The following TAS2R1 variants were observed in gnomAD, a reference collection of about 807,000 sequenced individuals.
The protein encoded by TAS2R1 is taste receptor type 2 member 1.
For missense variants in TAS2R1, 370 were observed against 353.4 expected (o/e 1.05, Z -0.38); for synonymous variants, 141 against 134.2 (o/e 1.05, Z -0.35).
intron 1 of TAS2R1, among the ~76,000 whole-genome samples, chr5:9,698,145 T>C (rs993327840): frequency 6.6e-6 from 1 of 152,190 alleles, no homozygotes; most frequent in Non-Finnish European, 1.5e-5. Flanking sequence ...CATTTTATTA[T>C]GAAAAATAAG....
chr5:9,703,360 T>C (rs1232835862), intron 1 of TAS2R1, among the ~76,000 whole-genome samples: 1 of 152,154 alleles, frequency 6.6e-6, no homozygotes, highest in African/African-American at 2.4e-5. Flanking sequence ...ACTAAGTCTA[T>C]AATACTGATG....
chr5:9,875,236 C>T, the TAS2R1 span, among the ~76,000 whole-genome samples: 1 of 152,140 alleles, frequency 6.6e-6, no homozygotes, highest in Non-Finnish European at 1.5e-5. Flanking sequence ...CAGGAGCCAA[C>T]AGGGGAGTGG....
chr5:9,860,872 G>A, the TAS2R1 span, among the ~76,000 whole-genome samples: 3 of 152,060 alleles, frequency 2.0e-5, no homozygotes, highest in Non-Finnish European at 1.5e-5. Flanking sequence ...AGGGACACAG[G>A]TGGGGCCATT....
the TAS2R1 span, among the ~76,000 whole-genome samples, chr5:9,767,685 G>A: frequency 2.6e-5 from 4 of 152,162 alleles, no homozygotes; most frequent in East Asian, 1.9e-4. Context: ...CTCTCAGCAC[G>A]TTGGGAGGCC....
chr5:9,784,575 G>GCC, the TAS2R1 span, among the ~76,000 whole-genome samples: 1 of 152,188 alleles, frequency 6.6e-6, no homozygotes, highest in African/African-American at 2.4e-5. Context: ...CCGCCAGCCT[G>GCC]CCCCTGAAAA....
At chr5:9,895,729 T>C in the TAS2R1 span, among the ~76,000 whole-genome samples, 1 of 152,252 alleles carries the variant, frequency 6.6e-6, no homozygotes, top group African/African-American at 2.4e-5. Context: ...TCACACTGTC[T>C]ACAATGCTCT....
intron 2 of TAS2R1, among the ~76,000 whole-genome samples, chr5:9,638,670 G>A (rs1172593432): frequency 6.6e-6 from 1 of 152,084 alleles, no homozygotes; most frequent in Non-Finnish European, 1.5e-5. Flanking sequence ...TGATGTGTGG[G>A]GCCATAAAGC....
intron 2 of TAS2R1, among the ~76,000 whole-genome samples, chr5:9,652,768 G>A (rs1395560471): frequency 6.6e-6 from 1 of 152,100 alleles, no homozygotes; most frequent in African/African-American, 2.4e-5. Context: ...ATAAACATAT[G>A]TATGGTATCA....
the TAS2R1 span, among the ~76,000 whole-genome samples, chr5:9,886,476 T>C: frequency 1.3e-5 from 2 of 151,656 alleles, no homozygotes; most frequent in Non-Finnish European, 2.9e-5. Flanking sequence ...GGATTACAGT[T>C]GCCCACCACC....
At chr5:9,728,240 T>A in the TAS2R1 span, among the ~76,000 whole-genome samples, 4 of 152,212 alleles carry the variant, frequency 2.6e-5, no homozygotes, top group African/African-American at 9.7e-5. Flanking sequence ...ATTAAACTTA[T>A]CTACATTATC....
intron 1 of TAS2R1, among the ~76,000 whole-genome samples, chr5:9,667,600 G>A (rs533614693): frequency 1.2e-3 from 178 of 152,202 alleles, no homozygotes; most frequent in Middle Eastern, 0.01. Context: ...CCTGCCCGAG[G>A]GAGACACATG....
the TAS2R1 span, among the ~76,000 whole-genome samples, chr5:9,724,529 T>C: frequency 6.6e-6 from 1 of 152,182 alleles, no homozygotes; most frequent in Non-Finnish European, 1.5e-5. Context: ...GGACTGCAAA[T>C]GTAGTCTTTA....
chr5:9,630,149 T>C lies in TAS2R1; in HGVS notation c.-117A>G. 2 of 826,324 alleles carry C rather than the reference T, an allele frequency of 2.4e-6. No individual in the cohort carries two copies. The highest frequency in any genetic ancestry group is 2.3e-5 in the South Asian group (1 of 43,488). 51.2% of individuals were successfully genotyped at this position (826,324 alleles called of 1,614,324 possible). On this transcript the variant is annotated 5_prime_UTR_variant, in exon 1 of 1. Coordinates refer to ENST00000382492, the MANE Select transcript of TAS2R1 (RefSeq NM_019599.3). ...CTCCTCTGGGGAAGAAGACTAACAA[T>C]AAAGGCATGGGGCAGGAAGGTGGTG...
chr5:9,890,556 T>TA, the TAS2R1 span, among the ~76,000 whole-genome samples: 2 of 152,214 alleles, frequency 1.3e-5, no homozygotes, highest in Non-Finnish European at 2.9e-5. Context: ...CAAAGACTAT[T>TA]ACACAGTATC....
chr5:9,790,632 A>G, the TAS2R1 span, among the ~76,000 whole-genome samples: 5 of 151,572 alleles, frequency 3.3e-5, no homozygotes, highest in African/African-American at 9.7e-5. Context: ...TAAAATAAGA[A>G]TTTTTTTTTC....
chr5:9,863,400 T>C, the TAS2R1 span, among the ~76,000 whole-genome samples: 7 of 151,604 alleles, frequency 4.6e-5, no homozygotes, highest in Non-Finnish European at 1.0e-4. Context: ...GCCTACCGAG[T>C]AGCTGGGACG....
the TAS2R1 span, among the ~76,000 whole-genome samples, chr5:9,845,169 A>C: frequency 1.3e-5 from 2 of 152,090 alleles, no homozygotes; most frequent in African/African-American, 2.4e-5. Context: ...TGATGGGTTT[A>C]GTGCCCTTAT....
chr5:9,842,989 A>T, the TAS2R1 span, among the ~76,000 whole-genome samples: 3 of 152,144 alleles, frequency 2.0e-5, no homozygotes, highest in African/African-American at 7.2e-5. Context: ...ATAAGAATCT[A>T]GCATCTCTGT....
the TAS2R1 span, among the ~76,000 whole-genome samples, chr5:9,795,249 G>A: frequency 2.0e-5 from 3 of 152,128 alleles, no homozygotes; most frequent in African/African-American, 7.2e-5. Context: ...TTGAAACCTG[G>A]AGACACATGC....
Sources: gnomAD v4.1 joint callset for allele counts (sites outside exome capture counted in the v4.1 genomes callset) on GRCh38, gnomAD v4.1.1 for gene constraint, MANE v1.5 for transcripts, NCBI Gene and HGNC (gene_info 2026-07-23, HGNC 2026-07-21) for gene names.